The following FAM220A variants were observed in gnomAD, a reference collection of about 807,000 sequenced individuals.
FAM220A encodes the protein family with sequence similarity 220 member A.
For synonymous variants in FAM220A, 141 were observed against 130.7 expected, an observed-to-expected ratio of 1.08 and a Z score of -0.54; for missense variants, 392 against 321.6, an observed-to-expected ratio of 1.22 and a Z score of -1.68.
intron 1 of FAM220A, among the ~76,000 whole-genome samples, chr7:6,332,917 T>G (rs752287049): frequency 1.3e-5 from 2 of 152,024 alleles, no homozygotes; most frequent in Non-Finnish European, 2.9e-5. Flanking sequence ...TCCCAGCACT[T>G]TGGGAGGCCA....
At chr7:6,338,425 G>A (rs943011169) in intron 1 of FAM220A, among the ~76,000 whole-genome samples, 1 of 152,094 alleles carries the variant, frequency 6.6e-6, no homozygotes, top group Non-Finnish European at 1.5e-5. Flanking sequence ...TACCAAAGCT[G>A]AGACCACCAG....
In FAM220A at chr7:6,348,901, T is replaced by G. The variant is rs973337750; in HGVS notation, c.-410A>C. On this transcript the variant is annotated 5_prime_UTR_variant, in exon 1 of 2. Coordinates refer to ENST00000313324, the MANE Select transcript of FAM220A (RefSeq NM_001037163.2). ...GCGGGCGGGCCGCAGTGGAGCGGAGTCCGCACGTCACGCTCGGAGAAGTGC... is the reference window on the plus strand; with the variant it reads ...GCGGGCGGGCCGCAGTGGAGCGGAGGCCGCACGTCACGCTCGGAGAAGTGC... The G allele has an allele frequency of 3.9e-5, 15 of 385,356 alleles. No individual in the cohort carries two copies. The highest frequency in any genetic ancestry group is 2.1e-4 in the African/African-American group (10 of 47,898). The allele number at this position is 385,356 out of a possible 1,614,324, so 23.9% of individuals were successfully genotyped here. A position where few individuals can be genotyped will look rare whatever the true frequency, so the allele number is the denominator to read the frequency against.
chr7:6,341,068 C>T (rs1236268445), intron 1 of FAM220A, among the ~76,000 whole-genome samples: 1 of 146,722 alleles, frequency 6.8e-6, no homozygotes, highest in African/African-American at 2.5e-5. Flanking sequence ...GGCATGAACC[C>T]AGGAGGTGCA....
At chr7:6,347,933 G>T (rs948024005) in intron 1 of FAM220A, among the ~76,000 whole-genome samples, 2 of 119,710 alleles carry the variant, frequency 1.7e-5, no homozygotes, top group South Asian at 5.4e-4. Context: ...TTATTGAGAT[G>T]GAGTTTCCCT....
Position 6,330,706 on chromosome 7 carries a change from G to T in FAM220A, c.449C>A (p.Pro150His). 1 of 1,614,102 alleles carries T rather than the reference G, an allele frequency of 6.2e-7. No homozygotes were observed. The highest frequency in any genetic ancestry group is 1.1e-5 in the South Asian group (1 of 91,080). ...GHRGQCPKGE[P>H]RVSRLPRHQK... The stretch of plus-strand genomic sequence containing the variant: ...ATGGCGTGGCAGTCGTGACACCCGA[G>T]GCTCTCCTTTGGGGCACTGTCCTCT... The change falls in exon 2 of 2, where the codon CCT becomes CAT. Residue 150 changes from proline to histidine, a missense_variant. By Grantham distance (77) the Pro-to-His change is moderately conservative (BLOSUM62 -2). Coordinates refer to ENST00000313324, the MANE Select transcript of FAM220A (RefSeq NM_001037163.2).
In FAM220A at chr7:6,348,945, G is replaced by A. The variant is rs905444895; in HGVS notation, c.-454C>T. 5.3e-5 allele frequency: 20 copies of A among 379,964 alleles called. No individual in the cohort carries two copies. Among genetic ancestry groups the A allele is most frequent in the Non-Finnish European group, 8.8e-5 (19 of 215,062 alleles). The allele number at this position is 379,964 out of a possible 1,614,324, so 23.5% of individuals were successfully genotyped here. On this transcript the variant is annotated 5_prime_UTR_variant, in exon 1 of 2. Coordinates refer to ENST00000313324, the MANE Select transcript of FAM220A (RefSeq NM_001037163.2). ...GAAGTGCCTCCGCGAGCAGCCGCCT[G>A]TACCAGCCTGGCCGCGCAGCCTGAC...
At chr7:6,340,208 C>T (rs1031884319) in intron 1 of FAM220A, among the ~76,000 whole-genome samples, 4 of 152,070 alleles carry the variant, frequency 2.6e-5, no homozygotes, top group Admixed American at 6.6e-5. Flanking sequence ...TGTGAAGATT[C>T]GATGTATGAG....
chr7:6,333,993 C>CA (rs1276556839), intron 1 of FAM220A, among the ~76,000 whole-genome samples: 1 of 151,260 alleles, frequency 6.6e-6, no homozygotes, highest in Non-Finnish European at 1.5e-5. Context: ...ACTACAGGCA[C>CA]CCGCCACCAC....
chr7:6,348,879 G>T lies in FAM220A; in HGVS notation c.-388C>A, dbSNP rs1439250641. On this transcript the variant is annotated 5_prime_UTR_variant, in exon 1 of 2. Coordinates refer to ENST00000313324, the MANE Select transcript of FAM220A (RefSeq NM_001037163.2). ...GAGGCGGCGGCTAGACCGGCGGGCGGGCGGGCCGCAGTGGAGCGGAGTCCG... is the reference window on the plus strand; with the variant it reads ...GAGGCGGCGGCTAGACCGGCGGGCGTGCGGGCCGCAGTGGAGCGGAGTCCG... 1 of 388,094 alleles carries T rather than the reference G, an allele frequency of 2.6e-6. No homozygotes were observed. The highest frequency in any genetic ancestry group is 4.6e-5 in the Admixed American group (1 of 21,678). 24.0% of individuals were successfully genotyped at this position (388,094 alleles called of 1,614,324 possible). A position where few individuals can be genotyped will look rare whatever the true frequency, so the allele number is the denominator to read the frequency against.
In FAM220A at chr7:6,330,715, T is replaced by G. The variant is rs368468737; in HGVS notation, c.440A>C (p.Lys147Thr). 8 of 1,614,140 alleles carry G rather than the reference T, an allele frequency of 5.0e-6. No homozygotes were observed. Among genetic ancestry groups the G allele is most frequent in the Non-Finnish European group, 5.9e-6 (7 of 1,180,026 alleles). The change falls in exon 2 of 2, where the codon AAA (lysine) becomes ACA (threonine). Residue 147 changes from lysine (K) to threonine (T), a missense_variant. Physicochemically the swap from Lys to Thr is moderately conservative, Grantham distance 78 (BLOSUM62 -1). Transcript: ENST00000313324. ...ATDGHRGQCP[K>T]GEPRVSRLPR... ...CAGTCGTGACACCCGAGGCTCTCCTTTGGGGCACTGTCCTCTGTGGCCGTC... is the reference window on the plus strand; with the variant it reads ...CAGTCGTGACACCCGAGGCTCTCCTGTGGGGCACTGTCCTCTGTGGCCGTC...
chr7:6,347,662 C>G (rs1781978241), intron 1 of FAM220A, among the ~76,000 whole-genome samples: 1 of 152,072 alleles, frequency 6.6e-6, no homozygotes, highest in African/African-American at 2.4e-5. Context: ...TTTCCCTGGT[C>G]TTCACCCTCA....
intron 1 of FAM220A, among the ~76,000 whole-genome samples, chr7:6,333,376 T>C (rs943977621): frequency 2.6e-5 from 4 of 152,062 alleles, no homozygotes; most frequent in African/African-American, 7.2e-5. Context: ...CTGGCTACAC[T>C]GTGATGGACA....
chr7:6,343,425 T>C (rs975353557), intron 1 of FAM220A, among the ~76,000 whole-genome samples: 2 of 129,920 alleles, frequency 1.5e-5, no homozygotes, highest in Non-Finnish European at 3.3e-5. Context: ...TATATATATA[T>C]ATATATATAT....
chr7:6,346,515 C>T (rs1224103876), intron 1 of FAM220A, among the ~76,000 whole-genome samples: 2 of 152,078 alleles, frequency 1.3e-5, no homozygotes, highest in African/African-American at 4.8e-5. Context: ...TACAGGTGCA[C>T]GCCACCACTG....
At chr7:6,332,875 T>G (rs1436118453) in intron 1 of FAM220A, among the ~76,000 whole-genome samples, 1 of 151,526 alleles carries the variant, frequency 6.6e-6, no homozygotes, top group Non-Finnish European at 1.5e-5. Flanking sequence ...TTGTTATAAA[T>G]TTTGGCCAGG....
chr7:6,343,052 A>AG (rs1562448616), intron 1 of FAM220A, among the ~76,000 whole-genome samples: 7 of 150,052 alleles, frequency 4.7e-5, no homozygotes, highest in South Asian at 4.2e-4. Flanking sequence ...AAAAAAAGAA[A>AG]AAAGAAAGAA....
chr7:6,348,565 T>A lies in FAM220A; in HGVS notation c.-82+8A>T. 2.3e-6 allele frequency: 1 copy of A among 434,326 alleles called. No homozygotes were observed. The highest frequency in any genetic ancestry group is 4.1e-6 in the Non-Finnish European group (1 of 243,076). 26.9% of individuals were successfully genotyped at this position (434,326 alleles called of 1,614,324 possible). ...GGGCCGGGGGCCGGGCAGGCACGGC[T>A]CACCCACCTGCAGGCGGACGTTGAG... is the stretch of plus-strand genomic sequence containing the variant. On this transcript the variant is annotated splice_region_variant and intron_variant, in intron 1 of 1. Coordinates refer to ENST00000313324, the MANE Select transcript of FAM220A (RefSeq NM_001037163.2).
intron 1 of FAM220A, among the ~76,000 whole-genome samples, chr7:6,334,302 T>C (rs567570663): frequency 8.6e-5 from 13 of 151,090 alleles, no homozygotes; most frequent in Non-Finnish European, 1.9e-4. Flanking sequence ...TGGGGAGGCC[T>C]AGCTGGGTGG....
chr7:6,333,360 A>G (rs1781677390), intron 1 of FAM220A, among the ~76,000 whole-genome samples: 1 of 152,092 alleles, frequency 6.6e-6, no homozygotes, highest in African/African-American at 2.4e-5. Context: ...TTTCAGATAA[A>G]TTATTCTGGC....
Sources: gnomAD v4.1 joint callset for allele counts (sites outside exome capture counted in the v4.1 genomes callset) on GRCh38, gnomAD v4.1.1 for gene constraint, MANE v1.5 for transcripts, NCBI Gene and HGNC (gene_info 2026-07-23, HGNC 2026-07-21) for gene names.